Variants in NFE2L3 observed in about 807,000 individuals in gnomAD.
NFE2L3 encodes NFE2 like bZIP transcription factor 3.
Under a neutral mutation model 23.5 loss-of-function variants are expected in NFE2L3, and 18 were observed. That is an observed-to-expected ratio of 0.77 (90% CI 0.53 to 1.13). The LOEUF (loss-of-function observed/expected upper bound fraction) is 1.13, where lower values mean the gene tolerates loss of function less well. Ranked by LOEUF, NFE2L3 falls within the 50% of genes most tolerant of loss-of-function variation. The pLI is 0.00. For missense variants in NFE2L3, 1,152 were observed against 877.2 expected (o/e 1.31, Z -3.96); for synonymous variants, 424 against 354.5 (o/e 1.20, Z -2.20).
intron 3 of NFE2L3, chr7:26,184,096 A>G (rs1782409882): frequency 2.6e-6 from 1 of 390,530 alleles, no homozygotes. Context: ...CCCCATGTTT[A>G]TTGCAGCAAT....
chr7:26,159,824 A>G (rs906181534), intron 1 of NFE2L3, among the ~76,000 whole-genome samples: 6 of 152,176 alleles, frequency 3.9e-5, no homozygotes, highest in African/African-American at 1.4e-4. Context: ...AGAACAGGTC[A>G]CTGTTCTTAA....
At chr7:26,156,361 G>A (rs546363404) in intron 1 of NFE2L3, among the ~76,000 whole-genome samples, 9 of 152,236 alleles carry the variant, frequency 5.9e-5, no homozygotes, top group African/African-American at 1.7e-4. Flanking sequence ...AGATAATTCC[G>A]GTGGCTTACA....
intron 1 of NFE2L3, among the ~76,000 whole-genome samples, chr7:26,162,587 T>C (rs1784189475): frequency 6.6e-6 from 1 of 152,150 alleles, no homozygotes; most frequent in Non-Finnish European, 1.5e-5. Context: ...ATGATACTCT[T>C]TACTGCCGCC....
intron 1 of NFE2L3, among the ~76,000 whole-genome samples, chr7:26,160,727 G>A (rs996124918): frequency 2.0e-5 from 3 of 152,224 alleles, no homozygotes; most frequent in Non-Finnish European, 2.9e-5. Flanking sequence ...TCAGCTGGTT[G>A]ATTGTAGATG....
intron 2 of NFE2L3, among the ~76,000 whole-genome samples, chr7:26,182,672 TCTAAAAAGAACTCTGAAGAGTTCTTTCAA>T (rs1204650810): frequency 7.2e-5 from 11 of 152,048 alleles, no homozygotes; most frequent in Non-Finnish European, 1.2e-4. Context: ...TCAGGTCCTC[TCTAAAAAGAACTCTGAAGAGTTCTTTCAA>T]CTAGAAAGAG....
intron 1 of NFE2L3, among the ~76,000 whole-genome samples, chr7:26,161,251 G>C (rs776558695): frequency 6.8e-6 from 1 of 147,998 alleles, no homozygotes; most frequent in Non-Finnish European, 1.5e-5. Flanking sequence ...CCTTGGACTT[G>C]TTGAGGAGGC....
chr7:26,168,731 G>C (rs1784289752), intron 1 of NFE2L3, among the ~76,000 whole-genome samples: 1 of 152,066 alleles, frequency 6.6e-6, no homozygotes, highest in African/African-American at 2.4e-5. Flanking sequence ...CCTCTGGGTA[G>C]ATACCCAGTA....
chr7:26,162,134 C>T (rs937872821), intron 1 of NFE2L3, among the ~76,000 whole-genome samples: 2 of 146,576 alleles, frequency 1.4e-5, no homozygotes, highest in African/African-American at 2.6e-5. Context: ...CAGAGCTGGA[C>T]TCCATCTCAA....
intron 1 of NFE2L3, among the ~76,000 whole-genome samples, chr7:26,176,582 G>T (rs1443832390): frequency 1.9e-5 from 2 of 105,702 alleles, no homozygotes; most frequent in African/African-American, 3.7e-5. Flanking sequence ...CTTCCCAGAC[G>T]GGGTGGCCAG....
chr7:26,155,085 T>G (rs1357148754), intron 1 of NFE2L3, among the ~76,000 whole-genome samples: 1 of 152,244 alleles, frequency 6.6e-6, no homozygotes. Flanking sequence ...AGTTCACTTT[T>G]GTTGCCTTTT....
At chr7:26,168,015 T>C (rs1312533430) in intron 1 of NFE2L3, among the ~76,000 whole-genome samples, 1 of 152,196 alleles carries the variant, frequency 6.6e-6, no homozygotes, top group Admixed American at 6.5e-5. Flanking sequence ...TGTGAGATTT[T>C]GGTGCACTCA....
chr7:26,157,098 C>T (rs768130475), intron 1 of NFE2L3, among the ~76,000 whole-genome samples: 1 of 151,102 alleles, frequency 6.6e-6, no homozygotes, highest in Non-Finnish European at 1.5e-5. Context: ...GGTGACAAAG[C>T]GAGACTCCAT....
In NFE2L3 at chr7:26,165,650, G is replaced by C. The variant is rs978588194; in HGVS notation, c.571-12293G>C. The stretch of plus-strand genomic sequence containing the variant: ...TGAATACCCTTTATTTCCTTCTCCT[G>C]CCTGATTGCCCTGGCCAGAACTTCC... On this transcript the variant is annotated intron_variant, in intron 1 of 3. Transcript: ENST00000056233. Among the ~76,000 whole-genome samples the C allele has an allele frequency of 1.2e-4, 18 of 152,096 alleles. 1 individual carries two copies. The highest frequency in any genetic ancestry group is 1.0e-3 in the Admixed American group (16 of 15,274).
Position 26,184,649 on chromosome 7 carries a change from G to C in NFE2L3, c.951G>C (p.Glu317Asp), listed in dbSNP as rs746947022. 6.2e-7 allele frequency: 1 copy of C among 1,613,916 alleles called. No individual in the cohort carries two copies. Among genetic ancestry groups the C allele is most frequent in the Admixed American group, 1.7e-5 (1 of 60,022 alleles). Residue 317 changes from glutamate (E) to aspartate (D), a missense_variant, in exon 4 of 4, where the codon GAG becomes GAC. Transcript: ENST00000056233. ...TAAGTCAGGATGTGAATCTTCATGAGGCCATCTTGCTTTGTCCCAACAATA... is the reference window on the plus strand; with the variant it reads ...TAAGTCAGGATGTGAATCTTCATGACGCCATCTTGCTTTGTCCCAACAATA... The part of the protein sequence containing the change: ...QAISQDVNLH[E>D]AILLCPNNTF...
intron 3 of NFE2L3, chr7:26,183,994 A>G (rs1423468317): frequency 7.6e-6 from 4 of 525,878 alleles, no homozygotes; most frequent in East Asian, 3.1e-5. Flanking sequence ...CTAGTCATGG[A>G]AAACAGCGTG....
At chr7:26,166,103 CTG>C (rs2128098349) in intron 1 of NFE2L3, among the ~76,000 whole-genome samples, 1 of 144,498 alleles carries the variant, frequency 6.9e-6, no homozygotes, top group Non-Finnish European at 1.5e-5. Context: ...CTGTTGTAAT[CTG>C]TGTGATGCAG....
At chr7:26,157,116 GA>G (rs1298497330) in intron 1 of NFE2L3, among the ~76,000 whole-genome samples, 1 of 150,456 alleles carries the variant, frequency 6.6e-6, no homozygotes, top group African/African-American at 2.4e-5. Flanking sequence ...CATCTCAAAA[GA>G]AAAAAAAAGA....
At chr7:26,155,883 G>C (rs1332579778) in intron 1 of NFE2L3, among the ~76,000 whole-genome samples, 3 of 152,122 alleles carry the variant, frequency 2.0e-5, no homozygotes, top group East Asian at 1.9e-4. Context: ...TGTACTCCAG[G>C]GGGAGGTGTG....
rs115342021 is a variant in NFE2L3, at chr7:26,161,590, C to T, written c.570+8522C>T. Among the ~76,000 whole-genome samples the T allele has an allele frequency of 3.6e-3, 546 of 152,030 alleles. 3 individuals are homozygous for T. Among genetic ancestry groups the T allele is most frequent in the African/African-American group, 0.012 (514 of 41,468 alleles). ...TCCTCCCCCAGGGCTCCTCAGTGTC[C>T]GGCAATACCTGAATGGAAGGAGTGT... On this transcript the variant is annotated intron_variant, in intron 1 of 3. Coordinates refer to ENST00000056233, the MANE Select transcript of NFE2L3 (RefSeq NM_004289.7).
Sources: gnomAD v4.1 joint callset for allele counts (sites outside exome capture counted in the v4.1 genomes callset) on GRCh38, gnomAD v4.1.1 for gene constraint, MANE v1.5 for transcripts, NCBI Gene and HGNC (gene_info 2026-07-23, HGNC 2026-07-21) for gene names.